The following VGLL3 variants were observed in gnomAD, a reference collection of about 807,000 sequenced individuals.
VGLL3 encodes the protein transcription cofactor vestigial-like protein 3.
In VGLL3, 18 loss-of-function variants were observed where a neutral mutation model predicts 29.2. The observed-to-expected ratio is 0.62, with a 90% CI of 0.43 to 0.91. The LOEUF (loss-of-function observed/expected upper bound fraction) is 0.91. VGLL3 is among the 40% of genes least tolerant of loss of function. The pLI, the probability that VGLL3 is intolerant of heterozygous loss-of-function variation, is 0.00. For missense variants in VGLL3, 440 were observed against 413.2 expected (o/e 1.06, Z -0.56); for synonymous variants, 180 against 151.8 (o/e 1.19, Z -1.36).
intron 3 of VGLL3, among the ~76,000 whole-genome samples, chr3:86,948,771 AT>A (rs989269207): frequency 5.3e-5 from 8 of 152,180 alleles, no homozygotes; most frequent in African/African-American, 1.9e-4. Context: ...TTCCTTTCCC[AT>A]TTCGAAAGAA....
intron 3 of VGLL3, among the ~76,000 whole-genome samples, chr3:86,947,490 G>A (rs2106957412): frequency 6.6e-6 from 1 of 152,202 alleles, no homozygotes; most frequent in African/African-American, 2.4e-5. Context: ...TATTCTTTTA[G>A]ACTAATGTGA....
At chr3:86,990,253 A>G (rs1052404446) in intron 1 of VGLL3, 1 of 959,072 alleles carries the variant, frequency 1.0e-6, no homozygotes, top group Non-Finnish European at 1.2e-6. Flanking sequence ...GAAACATTCC[A>G]TCTTTCCAAA....
intron 2 of VGLL3, among the ~76,000 whole-genome samples, chr3:86,978,202 C>T (rs1331205286): frequency 6.6e-6 from 1 of 152,158 alleles, no homozygotes; most frequent in Non-Finnish European, 1.5e-5. Flanking sequence ...TTAGACACGC[C>T]TATTATTTAG....
At chr3:86,947,658 T>C (rs1704534504) in intron 3 of VGLL3, among the ~76,000 whole-genome samples, 1 of 152,178 alleles carries the variant, frequency 6.6e-6, no homozygotes, top group African/African-American at 2.4e-5. Context: ...TATTTATTAA[T>C]TTACTTATTT....
chr3:86,990,836 C>G lies in VGLL3; in HGVS notation c.-93G>C. Reference sequence around the variant, plus strand: ...GCGCCGCCGCCGCCGCAGCTGCCGCCTCTGTCGCTGCTCCAGCTGCTACTG... The same window carrying G: ...GCGCCGCCGCCGCCGCAGCTGCCGCGTCTGTCGCTGCTCCAGCTGCTACTG... On this transcript the variant is annotated 5_prime_UTR_variant, in exon 1 of 4. Transcript: ENST00000398399. 8.5e-7 allele frequency: 1 copy of G among 1,182,326 alleles called. No homozygotes were observed. The highest frequency in any genetic ancestry group is 1.1e-6 in the Non-Finnish European group (1 of 949,090). 73.2% of individuals were successfully genotyped at this position (1,182,326 alleles called of 1,614,324 possible). A position where few individuals can be genotyped will look rare whatever the true frequency, so the allele number is the denominator to read the frequency against.
Position 86,978,706 on chromosome 3 carries a change from TCTCCTCCTC to T in VGLL3, c.214_222del (p.Glu72_Glu74del). ...TACTCCATCTCGGCAGGCTGGTCTT[TCTCCTCCTC>T]CTCCTCCTCCTCATCCTCCTCCTCT... On this transcript the variant is annotated inframe_deletion, in exon 2 of 4. Transcript: ENST00000398399. The T allele has an allele frequency of 6.2e-7, 1 of 1,612,110 alleles. No homozygotes were observed. Among genetic ancestry groups the T allele is most frequent in the Non-Finnish European group, 8.5e-7 (1 of 1,179,106 alleles).
intron 3 of VGLL3, among the ~76,000 whole-genome samples, chr3:86,957,229 G>T (rs1246146552): frequency 6.6e-6 from 1 of 152,104 alleles, no homozygotes; most frequent in Non-Finnish European, 1.5e-5. Context: ...CAATACAAAA[G>T]CACCTAGTTT....
intron 1 of VGLL3, among the ~76,000 whole-genome samples, chr3:86,982,314 T>C (rs929360809): frequency 6.6e-6 from 1 of 152,068 alleles, no homozygotes; most frequent in African/African-American, 2.4e-5. Context: ...CCAGCTAATT[T>C]TTTGTATTTT....
chr3:86,986,913 G>A (rs1479007921), intron 1 of VGLL3, among the ~76,000 whole-genome samples: 1 of 151,946 alleles, frequency 6.6e-6, no homozygotes, highest in Non-Finnish European at 1.5e-5. Flanking sequence ...ACACTACCAA[G>A]GACTTGGAAA....
In VGLL3 at chr3:86,986,016, A is replaced by AAT. The variant is rs141919855; in HGVS notation, c.126+4600_126+4601dup. ...TCCCTTTGCACAGATAGATATGACAAATATATATATATATACACACACACA... is the reference window on the plus strand; with the variant it reads ...TCCCTTTGCACAGATAGATATGACAAATATATATATATATATACACACACACA... On this transcript the variant is annotated intron_variant, in intron 1 of 3. Coordinates refer to ENST00000398399, the MANE Select transcript of VGLL3 (RefSeq NM_016206.4). Among the ~76,000 whole-genome samples the AAT allele has an allele frequency of 6.7e-4, 96 of 142,866 alleles. No homozygotes were observed. The South Asian group carries it at 8.7e-3, about 13-fold the overall frequency. The allele number at this position is 142,866 out of a possible 152,430, so 93.7% of individuals were successfully genotyped here.
At chr3:86,969,750 C>A (rs906260721) in intron 2 of VGLL3, among the ~76,000 whole-genome samples, 1 of 145,260 alleles carries the variant, frequency 6.9e-6, no homozygotes, top group Non-Finnish European at 1.5e-5. Context: ...GTCTCTAGAC[C>A]GAGAATAAAA....
At position 86,991,000 on chromosome 3, in the gene VGLL3, G is replaced by A; in HGVS notation, c.-257C>T. 1 of 938,892 alleles carries A rather than the reference G, an allele frequency of 1.1e-6. No homozygotes were observed. Among genetic ancestry groups the A allele is most frequent in the Non-Finnish European group, 1.3e-6 (1 of 778,062 alleles). The allele number at this position is 938,892 out of a possible 1,614,324, so 58.2% of individuals were successfully genotyped here. A position where few individuals can be genotyped will look rare whatever the true frequency, so the allele number is the denominator to read the frequency against. On this transcript the variant is annotated 5_prime_UTR_variant, in exon 1 of 4. Transcript: ENST00000398399. ...TGTTCCCTGCCGCGCTTATATAGCG[G>A]CTCAGGGACGCAGCCGCCCGCTGCG...
At chr3:86,949,393 ACTT>A (rs1267001034) in intron 3 of VGLL3, among the ~76,000 whole-genome samples, 3 of 152,130 alleles carry the variant, frequency 2.0e-5, no homozygotes, top group East Asian at 3.8e-4. Context: ...TTGTGGTTAA[ACTT>A]CTTCTTGGTG....
rs1026066013 is a variant in VGLL3 at position 86,946,305 on chromosome 3, T to C, written c.*719A>G. 2.0e-5 allele frequency: 3 copies of C among 152,142 alleles called. No homozygotes were observed. The highest frequency in any genetic ancestry group is 7.2e-5 in the African/African-American group (3 of 41,450). The allele number at this position is 152,142 out of a possible 1,614,324, so 9.4% of individuals were successfully genotyped here. On this transcript the variant is annotated 3_prime_UTR_variant, in exon 4 of 4. Transcript: ENST00000398399. ...CATTAAAAAAAAACTTTTCAAGCTA[T>C]ACATATAATTCAAAACTAATTGAGC...
chr3:86,986,299 T>C (rs1705439898), intron 1 of VGLL3, among the ~76,000 whole-genome samples: 1 of 152,182 alleles, frequency 6.6e-6, no homozygotes. Flanking sequence ...CCTGGCATTT[T>C]GTTTCTTGGT....
intron 2 of VGLL3, among the ~76,000 whole-genome samples, chr3:86,976,486 G>A (rs1246928587): frequency 6.6e-6 from 1 of 152,226 alleles, no homozygotes; most frequent in Non-Finnish European, 1.5e-5. Flanking sequence ...GTTAATAAAT[G>A]TTTGCTGAAT....
At chr3:86,981,739 A>G (rs976445896) in intron 1 of VGLL3, among the ~76,000 whole-genome samples, 2 of 152,232 alleles carry the variant, frequency 1.3e-5, no homozygotes, top group East Asian at 3.8e-4. Context: ...CATAGGCAGG[A>G]CACAAGAATG....
intron 1 of VGLL3, among the ~76,000 whole-genome samples, chr3:86,988,640 C>CAAAAAAAAA (rs869098443): frequency 1.4e-3 from 19 of 13,752 alleles, no homozygotes; most frequent in African/African-American, 1.6e-3. Flanking sequence ...TTTACTTGAC[C>CAAAAAAAAA]AAAAAAAAAA....
chr3:86,969,544 C>T (rs1414318536), intron 2 of VGLL3, among the ~76,000 whole-genome samples: 2 of 152,144 alleles, frequency 1.3e-5, no homozygotes, highest in Non-Finnish European at 2.9e-5. Flanking sequence ...TTTTTACCAA[C>T]TTCTAAATGC....
Sources: allele counts gnomAD v4.1 joint callset (sites outside exome capture counted in the v4.1 genomes callset), GRCh38; gene constraint gnomAD v4.1.1; transcripts MANE v1.5; gene names NCBI Gene and HGNC (gene_info 2026-07-23, HGNC 2026-07-21).